Variants in TAS2R1 observed in about 807,000 individuals in gnomAD.
TAS2R1 encodes the protein taste receptor type 2 member 1.
For synonymous variants in TAS2R1, 141 were observed against 134.2 expected, an observed-to-expected ratio of 1.05 and a Z score of -0.35; for missense variants, 370 against 353.4, an observed-to-expected ratio of 1.05 and a Z score of -0.38.
the TAS2R1 span, among the ~76,000 whole-genome samples, chr5:9,853,697 A>T: frequency 6.6e-6 from 1 of 152,100 alleles, no homozygotes; most frequent in Non-Finnish European, 1.5e-5. Flanking sequence ...CTAATTGGGG[A>T]TGACAAGGGG....
At chr5:9,766,172 T>C in the TAS2R1 span, among the ~76,000 whole-genome samples, 1 of 152,198 alleles carries the variant, frequency 6.6e-6, no homozygotes, top group Admixed American at 6.5e-5. Context: ...AGCAATATAA[T>C]GGAATATTTA....
At chr5:9,834,869 G>C in the TAS2R1 span, among the ~76,000 whole-genome samples, 21 of 152,202 alleles carry the variant, frequency 1.4e-4, no homozygotes, top group Non-Finnish European at 2.9e-4. Flanking sequence ...TGCTGCACAA[G>C]TTAAGATGCA....
chr5:9,797,969 T>C, the TAS2R1 span, among the ~76,000 whole-genome samples: 9 of 152,072 alleles, frequency 5.9e-5, no homozygotes, highest in African/African-American at 1.9e-4. Context: ...TTATTCACGA[T>C]AGTTTAAAAG....
the TAS2R1 span, among the ~76,000 whole-genome samples, chr5:9,719,834 C>A: frequency 6.8e-6 from 1 of 146,912 alleles, no homozygotes; most frequent in Non-Finnish European, 1.5e-5. Context: ...AGGAGAATGG[C>A]GTCAACCTGG....
At chr5:9,839,938 C>T in the TAS2R1 span, among the ~76,000 whole-genome samples, 10 of 152,274 alleles carry the variant, frequency 6.6e-5, no homozygotes, top group East Asian at 1.9e-3. Flanking sequence ...CCTTTGCAGG[C>T]CAAACCCAAT....
chr5:9,741,616 G>A, the TAS2R1 span, among the ~76,000 whole-genome samples: 1 of 152,134 alleles, frequency 6.6e-6, no homozygotes, highest in Non-Finnish European at 1.5e-5. Context: ...CAGAATAGAA[G>A]TTGATTGGCA....
the TAS2R1 span, among the ~76,000 whole-genome samples, chr5:9,830,603 GCGCA>G: frequency 6.2e-3 from 370 of 59,990 alleles, 2 homozygotes; most frequent in South Asian, 0.026. Context: ...ACACGTGCGC[GCGCA>G]CACACACACA....
chr5:9,691,019 C>G (rs1383391093), intron 1 of TAS2R1, among the ~76,000 whole-genome samples: 1 of 152,220 alleles, frequency 6.6e-6, no homozygotes, highest in Non-Finnish European at 1.5e-5. Flanking sequence ...CGTCTCTGCA[C>G]TGTCATGGGT....
chr5:9,816,215 C>CT, the TAS2R1 span, among the ~76,000 whole-genome samples: 8,592 of 152,212 alleles, frequency 0.056, 249 homozygotes, highest in East Asian at 0.11. Flanking sequence ...TTGCTTTCCT[C>CT]TTTTCAACAT....
the TAS2R1 span, among the ~76,000 whole-genome samples, chr5:9,816,773 T>C: frequency 6.6e-6 from 1 of 152,154 alleles, no homozygotes; most frequent in Non-Finnish European, 1.5e-5. Context: ...CAGTTGATGA[T>C]TCTAATAATA....
At chr5:9,695,348 A>T (rs1741335923) in intron 1 of TAS2R1, among the ~76,000 whole-genome samples, 1 of 152,206 alleles carries the variant, frequency 6.6e-6, no homozygotes, top group Non-Finnish European at 1.5e-5. Flanking sequence ...CGAACAAAAA[A>T]ATCTTGGATG....
the TAS2R1 span, among the ~76,000 whole-genome samples, chr5:9,792,360 C>T: frequency 3.1e-4 from 47 of 152,264 alleles, 1 homozygote; most frequent in Non-Finnish European, 6.6e-4. Flanking sequence ...AGAATGAACC[C>T]ATCTGTTCTA....
intron 1 of TAS2R1, among the ~76,000 whole-genome samples, chr5:9,675,488 C>T (rs1457387010): frequency 6.8e-6 from 1 of 147,304 alleles, no homozygotes; most frequent in East Asian, 2.0e-4. Context: ...GTAATCTTGG[C>T]TCACTGCAAC....
At chr5:9,746,715 A>G in the TAS2R1 span, among the ~76,000 whole-genome samples, 3 of 152,204 alleles carry the variant, frequency 2.0e-5, no homozygotes, top group Admixed American at 6.5e-5. Context: ...GAGGTGAACA[A>G]TGAGAACACA....
the TAS2R1 span, among the ~76,000 whole-genome samples, chr5:9,725,881 T>C: frequency 2.9e-4 from 42 of 146,700 alleles, no homozygotes; most frequent in Non-Finnish European, 3.2e-4. Context: ...TCAGGGTTTG[T>C]GAATGCACCA....
chr5:9,783,944 C>T, the TAS2R1 span, among the ~76,000 whole-genome samples: 1 of 152,202 alleles, frequency 6.6e-6, no homozygotes, highest in Non-Finnish European at 1.5e-5. Context: ...CCTGGATTCA[C>T]ATCCCAGCTG....
At chr5:9,789,329 T>G in the TAS2R1 span, among the ~76,000 whole-genome samples, 2 of 152,214 alleles carry the variant, frequency 1.3e-5, no homozygotes, top group African/African-American at 4.8e-5. Flanking sequence ...TAATCTTTAT[T>G]TGAAGGATAT....
intron 1 of TAS2R1, among the ~76,000 whole-genome samples, chr5:9,678,135 A>G (rs539626858): frequency 2.0e-5 from 3 of 152,318 alleles, no homozygotes; most frequent in Non-Finnish European, 4.4e-5. Context: ...ATGAACAGAC[A>G]TTTCTCAAAA....
the TAS2R1 span, among the ~76,000 whole-genome samples, chr5:9,874,758 T>G: frequency 6.6e-6 from 1 of 152,214 alleles, no homozygotes; most frequent in African/African-American, 2.4e-5. Flanking sequence ...CCACTCTGTC[T>G]GAGCAATAAC....
Sources: allele counts gnomAD v4.1 joint callset (sites outside exome capture counted in the v4.1 genomes callset), GRCh38; gene constraint gnomAD v4.1.1; transcripts MANE v1.5; gene names NCBI Gene and HGNC (gene_info 2026-07-23, HGNC 2026-07-21).